TRAPPC9: variants seen among roughly 807,000 people sequenced by gnomAD.
The protein encoded by TRAPPC9 is trafficking protein particle complex subunit 9.
In TRAPPC9, 83 loss-of-function variants were observed where a neutral mutation model predicts 124.0. The ratio of observed to expected loss-of-function variants is 0.67; its 90% CI spans 0.56 to 0.80. The LOEUF (loss-of-function observed/expected upper bound fraction) is 0.80, where lower values mean the gene tolerates loss of function less well. TRAPPC9 is among the 30% of genes least tolerant of loss of function. TRAPPC9 has a pLI of 0.00. For missense variants in TRAPPC9, 1,302 were observed against 1,508.3 expected, an observed-to-expected ratio of 0.86 and a Z score of 2.27; for synonymous variants, 638 against 617.5, an observed-to-expected ratio of 1.03 and a Z score of -0.49.
intron 7 of TRAPPC9, among the ~76,000 whole-genome samples, chr8:140,393,335 G>A (rs1259523144): frequency 1.3e-5 from 2 of 152,044 alleles, no homozygotes; most frequent in Admixed American, 6.6e-5. Context: ...TAAATCTGGG[G>A]GGCCAAAGTC....
rs1406609440 is a variant in TRAPPC9 at position 139,784,606 on chromosome 8, GACATAT to G, written c.3056-52410_3056-52405del. Among the ~76,000 whole-genome samples the G allele has an allele frequency of 1.1e-3, 33 of 30,442 alleles. 1 individual carries two copies. The highest frequency in any genetic ancestry group is 0.017 in the Middle Eastern group (1 of 60). 20.0% of individuals were successfully genotyped at this position (30,442 alleles called of 152,430 possible). On this transcript the variant is annotated intron_variant, in intron 21 of 22. Coordinates refer to ENST00000438773, the MANE Select transcript of TRAPPC9 (RefSeq NM_001160372.4). ...TAAATAAATAAATAAATAAAAGACT[GACATAT>G]ATATATATATATATATATATATATA... is the stretch of plus-strand genomic sequence containing the variant.
intron 20 of TRAPPC9, among the ~76,000 whole-genome samples, chr8:139,893,512 C>T (rs537467507): frequency 4.6e-5 from 7 of 152,374 alleles, no homozygotes; most frequent in African/African-American, 1.7e-4. Flanking sequence ...CTTGAGGAAC[C>T]GTGAACACCT....
Position 140,283,849 on chromosome 8 carries a change from C to T in TRAPPC9, c.2114+40G>A, listed in dbSNP as rs751924754. 1.6e-5 allele frequency: 26 copies of T among 1,612,694 alleles called. No homozygotes were observed. The Admixed American group carries it at 2.7e-4, about 17-fold the overall frequency. On this transcript the variant is annotated intron_variant, in intron 14 of 22. Coordinates refer to ENST00000438773, the MANE Select transcript of TRAPPC9 (RefSeq NM_001160372.4). ...AAAAAATGTAGGACCAAAAATGATG[C>T]CTCAGAGCCACTCTGCTCTGTGACC...
At chr8:139,911,597 C>A (rs1460149280) in intron 19 of TRAPPC9, among the ~76,000 whole-genome samples, 2 of 151,936 alleles carry the variant, frequency 1.3e-5, no homozygotes, top group Non-Finnish European at 2.9e-5. Context: ...CCCAGCTACT[C>A]AGGAGGCTGA....
At chr8:140,379,596 T>C (rs2068545718) in intron 7 of TRAPPC9, among the ~76,000 whole-genome samples, 1 of 152,208 alleles carries the variant, frequency 6.6e-6, no homozygotes, top group Non-Finnish European at 1.5e-5. Flanking sequence ...GATAAATCAC[T>C]TGTCCCCATA....
chr8:139,935,498 A>G (rs2131407696), intron 19 of TRAPPC9, among the ~76,000 whole-genome samples: 1 of 152,266 alleles, frequency 6.6e-6, no homozygotes, highest in East Asian at 1.9e-4. Context: ...GTCCATGACC[A>G]GTGTGTTTGA....
rs1211390428 is a variant in TRAPPC9 at position 139,907,588 on chromosome 8, G to GGAT, written c.2964+2556_2964+2558dup. ...GAGAGGGAGGGAGGGAGGGAGGGAG[G>GGAT]GATGATGTCCTTAATGTTAACTCTC... On this transcript the variant is annotated intron_variant, in intron 20 of 22. Coordinates refer to ENST00000438773, the MANE Select transcript of TRAPPC9 (RefSeq NM_001160372.4). The surrounding 1 kb of genome is among the most constrained non-coding windows in gnomAD (Gnocchi z 4.7). 6.7e-6 allele frequency among the ~76,000 whole-genome samples: 1 copy of GGAT among 149,372 alleles called. No homozygotes were observed. The highest frequency in any genetic ancestry group is 2.0e-4 in the East Asian group (1 of 5,022).
Position 140,237,314 on chromosome 8 carries a change from AAC to A in TRAPPC9, c.2431+15461_2431+15462del, listed in dbSNP as rs138340226. 4.0e-3 allele frequency among the ~76,000 whole-genome samples: 609 copies of A among 151,820 alleles called. 6 individuals carry two copies. Among genetic ancestry groups the A allele is most frequent in the African/African-American group, 0.014 (583 of 41,390 alleles). Reference sequence around the variant, plus strand: ...GACCTCAAAACTCATCATCGCAGGGAACAGAGAATAAGCAGCAACTAGGTCTG... The same window carrying A: ...GACCTCAAAACTCATCATCGCAGGGAAGAGAATAAGCAGCAACTAGGTCTG... On this transcript the variant is annotated intron_variant, in intron 16 of 22. Coordinates refer to ENST00000438773, the MANE Select transcript of TRAPPC9 (RefSeq NM_001160372.4).
intron 10 of TRAPPC9, among the ~76,000 whole-genome samples, chr8:140,303,746 A>C (rs1197924891): frequency 6.6e-6 from 1 of 152,248 alleles, no homozygotes; most frequent in Non-Finnish European, 1.5e-5. Context: ...ACTTGAAACC[A>C]TCTTTGGGTG....
intron 21 of TRAPPC9, among the ~76,000 whole-genome samples, chr8:139,821,355 G>A (rs1354518485): frequency 2.6e-5 from 4 of 152,256 alleles, no homozygotes; most frequent in Admixed American, 2.6e-4. Flanking sequence ...CCCAGGGGCT[G>A]CTCTCCCAGG....
At chr8:140,106,362 C>A (rs891717523) in intron 17 of TRAPPC9, among the ~76,000 whole-genome samples, 1 of 152,198 alleles carries the variant, frequency 6.6e-6, no homozygotes, top group South Asian at 2.1e-4. Flanking sequence ...AAGAATTTCC[C>A]AACTGTCAGT....
intron 17 of TRAPPC9, among the ~76,000 whole-genome samples, chr8:140,102,055 T>C (rs1431676712): frequency 1.4e-4 from 21 of 152,200 alleles, no homozygotes. Context: ...TTTTGTTCCA[T>C]GTGGTTTTAT....
At chr8:139,870,620 G>A (rs924940787) in intron 21 of TRAPPC9, among the ~76,000 whole-genome samples, 3 of 152,168 alleles carry the variant, frequency 2.0e-5, no homozygotes, top group Admixed American at 6.5e-5. Context: ...AAACATACCC[G>A]AGATCTACCA....
At chr8:140,203,893 G>A (rs2062854914) in intron 17 of TRAPPC9, among the ~76,000 whole-genome samples, 1 of 152,166 alleles carries the variant, frequency 6.6e-6, no homozygotes, top group Non-Finnish European at 1.5e-5. Context: ...AGAACATCAA[G>A]AAAACCCGAA....
At chr8:139,835,072 G>C (rs952602085) in intron 21 of TRAPPC9, among the ~76,000 whole-genome samples, 2 of 152,202 alleles carry the variant, frequency 1.3e-5, no homozygotes, top group Admixed American at 6.5e-5. Flanking sequence ...CATCAGACTC[G>C]TTGGCAGGTT....
In TRAPPC9 at chr8:139,731,147, G is replaced by A. The variant is rs1186989328; in HGVS notation, c.3361C>T (p.His1121Tyr). ...TGDFFLHIRF[H>Y]EDSTSKELPP... ...AGCTCCTTGCTGGTGCTGTCCTCGT[G>A]GAACCGGATGTGGAGGAAGAAGTCT... is the stretch of plus-strand genomic sequence containing the variant. Residue 1121 changes from histidine to tyrosine, a missense_variant, in exon 23 of 23, where the codon CAC becomes TAC. By Grantham distance (83) the His-to-Tyr change is moderately conservative. Coordinates refer to ENST00000438773, the MANE Select transcript of TRAPPC9 (RefSeq NM_001160372.4). 6.2e-7 allele frequency: 1 copy of A among 1,614,024 alleles called. No homozygotes were observed. The highest frequency in any genetic ancestry group is 1.7e-5 in the Admixed American group (1 of 60,028).
chr8:139,880,627 C>A (rs7819785), intron 21 of TRAPPC9, among the ~76,000 whole-genome samples: 30,164 of 152,134 alleles, frequency 0.2, 3,690 homozygotes, highest in East Asian at 0.36. Flanking sequence ...TCGAGAGTCA[C>A]GTGCCCATGT....
At chr8:139,813,583 G>A (rs1038139056) in intron 21 of TRAPPC9, among the ~76,000 whole-genome samples, 1 of 152,254 alleles carries the variant, frequency 6.6e-6, no homozygotes, top group Non-Finnish European at 1.5e-5. Context: ...GCAGCACCGG[G>A]TGGGGAGAGG....
At chr8:139,885,398 C>G (rs988505108) in intron 21 of TRAPPC9, among the ~76,000 whole-genome samples, 1 of 151,956 alleles carries the variant, frequency 6.6e-6, no homozygotes, top group African/African-American at 2.4e-5. Flanking sequence ...TCCACACAGA[C>G]AGCATGAAAA....
Sources: allele counts gnomAD v4.1 joint callset (sites outside exome capture counted in the v4.1 genomes callset), GRCh38; gene constraint gnomAD v4.1.1; non-coding constraint Gnocchi (gnomAD v3.1); transcripts MANE v1.5; gene names NCBI Gene and HGNC (gene_info 2026-07-23, HGNC 2026-07-21).